The following OPA3 variants were observed in gnomAD, a reference collection of about 807,000 sequenced individuals.
OPA3 encodes the protein outer mitochondrial membrane lipid metabolism regulator OPA3, also known as optic atrophy 3 protein.
Under a neutral mutation model 4.0 loss-of-function variants are expected in OPA3, and 6 were observed. The ratio of observed to expected loss-of-function variants is 1.51; its 90% CI spans 0.83 to 2.99. OPA3 has a LOEUF of 2.99. OPA3 is among the 30% of genes most tolerant of loss of function. OPA3 has a pLI of 0.00. For missense variants in OPA3, 235 were observed against 256.2 expected (o/e 0.92, Z 0.56); for synonymous variants, 105 against 117.1 (o/e 0.90, Z 0.67).
rs1418134716 is a variant in OPA3, at chr19:45,572,815, AGATATATATCTC to A, written c.142+11796_142+11807del. On this transcript the variant is annotated intron_variant, in intron 1 of 1. Coordinates refer to ENST00000263275, the MANE Select transcript of OPA3 (RefSeq NM_025136.4). ...GATATATATATCATACTATATATAT[AGATATATATCTC>A]GATATATATCTATCTATATATATTT... is the stretch of plus-strand genomic sequence containing the variant. Among the ~76,000 whole-genome samples, 9 of 143,122 alleles carry A rather than the reference AGATATATATCTC, an allele frequency of 6.3e-5. No homozygotes were observed. In the East Asian group the frequency reaches 1.6e-3, roughly 25 times the overall value. 93.9% of individuals were successfully genotyped at this position (143,122 alleles called of 152,430 possible). A position where few individuals can be genotyped will look rare whatever the true frequency, so the allele number is the denominator to read the frequency against.
chr19:45,561,455 C>T (rs758642244), intron 1 of OPA3, among the ~76,000 whole-genome samples: 3 of 152,148 alleles, frequency 2.0e-5, no homozygotes, highest in Non-Finnish European at 4.4e-5. Context: ...GTCCACTACT[C>T]GATGGTGAAG....
At chr19:45,573,798 C>G (rs1969723884) in intron 1 of OPA3, among the ~76,000 whole-genome samples, 1 of 152,188 alleles carries the variant, frequency 6.6e-6, no homozygotes, top group Non-Finnish European at 1.5e-5. Context: ...ACGTAAACAG[C>G]AGGGCAAGGA....
intron 1 of OPA3, among the ~76,000 whole-genome samples, chr19:45,557,461 T>C (rs1969438674): frequency 6.6e-6 from 1 of 152,068 alleles, no homozygotes; most frequent in Non-Finnish European, 1.5e-5. Context: ...CTCACCAGAC[T>C]TGCGGGGGTC....
rs1969319296 is a variant in OPA3, at chr19:45,550,684, GA to G, written c.*2829del. On this transcript the variant is annotated 3_prime_UTR_variant, in exon 2 of 2. Coordinates refer to ENST00000263275, the MANE Select transcript of OPA3 (RefSeq NM_025136.4). Reference sequence around the variant, plus strand: ...GTGACTCTTGGGCCTCTCCCCATCAGAACCCTCCCAGTTTCCCTCCTGATTT... The same window carrying G: ...GTGACTCTTGGGCCTCTCCCCATCAGACCCTCCCAGTTTCCCTCCTGATTT... 1 of 985,808 alleles carries G rather than the reference GA, an allele frequency of 1.0e-6. No individual in the cohort carries two copies. The highest frequency in any genetic ancestry group is 6.2e-5 in the Admixed American group (1 of 16,248). 61.1% of individuals were successfully genotyped at this position (985,808 alleles called of 1,614,324 possible). A position where few individuals can be genotyped will look rare whatever the true frequency, so the allele number is the denominator to read the frequency against.
At chr19:45,584,398 A>C in intron 1 of OPA3, 2 of 985,172 alleles carry the variant, frequency 2.0e-6, no homozygotes, top group Non-Finnish European at 2.4e-6. Flanking sequence ...ATCGGCTGGC[A>C]TTTCCTACTC....
intron 1 of OPA3, among the ~76,000 whole-genome samples, chr19:45,535,766 T>TC (rs199709216): frequency 0.15 from 21,632 of 147,688 alleles, 1,736 homozygotes; most frequent in African/African-American, 0.21. Context: ...TCTTTTCTTT[T>TC]TTTTTTTTTT....
At chr19:45,558,246 C>T (rs543952406) in intron 1 of OPA3, among the ~76,000 whole-genome samples, 2 of 152,010 alleles carry the variant, frequency 1.3e-5, no homozygotes, top group African/African-American at 2.4e-5. Context: ...ACAGGAGAAT[C>T]GCTTGAACCC....
At chr19:45,533,879 G>A (rs755400243) in intron 1 of OPA3, among the ~76,000 whole-genome samples, 9 of 152,248 alleles carry the variant, frequency 5.9e-5, no homozygotes, top group Admixed American at 2.0e-4. Flanking sequence ...GCAGTGGGCA[G>A]GTTGTTGCCT....
At chr19:45,544,795 A>AAATAAAT (rs1969226810), downstream of OPA3, among the ~76,000 whole-genome samples, 8 of 140,748 alleles carry the variant, frequency 5.7e-5, no homozygotes, top group African/African-American at 1.6e-4. Flanking sequence ...ACTCCGTCTC[A>AAATAAAT]AAATAAATAA....
rs745544229 is a variant in OPA3 at position 45,553,575 on chromosome 19, CGCACCTCTT to C, written c.470_478del (p.Gln157_Val159del). 1.4e-5 allele frequency: 22 copies of C among 1,612,940 alleles called. No homozygotes were observed. Among genetic ancestry groups the C allele is most frequent in the Non-Finnish European group, 1.9e-5 (22 of 1,179,960 alleles). On this transcript the variant is annotated inframe_deletion, in exon 2 of 2. Transcript: ENST00000263275. Reference sequence around the variant, plus strand: ...CCGGCCGGGATTGCAGAGCTGGGCGCGCACCTCTTGCAGCTCTGTGCGCAGTTCCTCCAG... The same window carrying C: ...CCGGCCGGGATTGCAGAGCTGGGCGCGCAGCTCTGTGCGCAGTTCCTCCAG...
chr19:45,553,493 C>G lies in OPA3; in HGVS notation c.*21G>C. The G allele has an allele frequency of 6.2e-7, 1 of 1,612,266 alleles. No individual in the cohort carries two copies. The highest frequency in any genetic ancestry group is 8.5e-7 in the Non-Finnish European group (1 of 1,179,990). The stretch of plus-strand genomic sequence containing the variant: ...TAGGTACATAGGCCATGTCCAAATT[C>G]AGGTTCCATCCAGCAAGCTCCTATT... On this transcript the variant is annotated 3_prime_UTR_variant, in exon 2 of 2. Transcript: ENST00000263275.
chr19:45,572,330 G>A (rs1177856105), intron 1 of OPA3, among the ~76,000 whole-genome samples: 16 of 121,774 alleles, frequency 1.3e-4, no homozygotes, highest in Non-Finnish European at 1.8e-4. Context: ...GATATATATC[G>A]ATATATATCT....
chr19:45,554,402 TAATC>T (rs974979009), intron 1 of OPA3, among the ~76,000 whole-genome samples: 15 of 152,188 alleles, frequency 9.9e-5, no homozygotes, highest in Non-Finnish European at 2.9e-5. Flanking sequence ...ACACTTGTAA[TAATC>T]AATCATTTTT....
intron 1 of OPA3, among the ~76,000 whole-genome samples, chr19:45,538,645 C>T (rs560895138): frequency 1.6e-3 from 249 of 151,780 alleles, no homozygotes; most frequent in African/African-American, 5.3e-3. Flanking sequence ...ATTCCTTGAA[C>T]CTGGGAGGCG....
In OPA3 at chr19:45,551,786, G is replaced by A. The variant is rs1969336751; in HGVS notation, c.*1728C>T. The A allele has an allele frequency of 2.0e-6, 2 of 985,504 alleles. No individual in the cohort carries two copies. The highest frequency in any genetic ancestry group is 3.5e-5 in the African/African-American group (2 of 57,366). 61.0% of individuals were successfully genotyped at this position (985,504 alleles called of 1,614,324 possible). A position where few individuals can be genotyped will look rare whatever the true frequency, so the allele number is the denominator to read the frequency against. On this transcript the variant is annotated 3_prime_UTR_variant, in exon 2 of 2. Coordinates refer to ENST00000263275, the MANE Select transcript of OPA3 (RefSeq NM_025136.4). The stretch of plus-strand genomic sequence containing the variant: ...GGAGGGTACTGCTACATGAAGACAG[G>A]CTGTCGGGTCAGTCCAGAGCTCCGA...
rs577303364 is a variant in OPA3 at position 45,579,083 on chromosome 19, C to T, written c.142+5540G>A. On this transcript the variant is annotated intron_variant, in intron 1 of 1. Transcript: ENST00000263275. ...TCTTCCCCCAGATGGCAATGCTGCT[C>T]GTTCCCTCCCTCCTTGGCATATTTT... Among the ~76,000 whole-genome samples the T allele has an allele frequency of 2.0e-4, 31 of 152,122 alleles. No homozygotes were observed. In the South Asian group the frequency reaches 5.6e-3, roughly 27 times the overall value.
At chr19:45,573,802 G>A (rs1969723927) in intron 1 of OPA3, among the ~76,000 whole-genome samples, 1 of 152,188 alleles carries the variant, frequency 6.6e-6, no homozygotes, top group Non-Finnish European at 1.5e-5. Context: ...AAACAGCAGG[G>A]CAAGGATCTG....
In OPA3 at chr19:45,553,091, C is replaced by T. The variant is rs2122436009; in HGVS notation, c.*423G>A. ...TGCATTTCCTTACAGTGGTCTGTGC[C>T]GATTGACAAAAAGAAGAAGGTGTTC... On this transcript the variant is annotated 3_prime_UTR_variant, in exon 2 of 2. Coordinates refer to ENST00000263275, the MANE Select transcript of OPA3 (RefSeq NM_025136.4). 4.4e-6 allele frequency: 5 copies of T among 1,124,274 alleles called. No homozygotes were observed. The highest frequency in any genetic ancestry group is 1.6e-5 in the African/African-American group (1 of 60,976). 69.6% of individuals were successfully genotyped at this position (1,124,274 alleles called of 1,614,324 possible).
chr19:45,582,093 C>CAAGATCACCTTTTTAA (rs1969863862), intron 1 of OPA3, among the ~76,000 whole-genome samples: 1 of 151,828 alleles, frequency 6.6e-6, no homozygotes, highest in Non-Finnish European at 1.5e-5. Context: ...CACCGCGCCC[C>CAAGATCACCTTTTTAA]AGCCAGGAGT....
Sources: allele counts gnomAD v4.1 joint callset (sites outside exome capture counted in the v4.1 genomes callset), GRCh38; gene constraint gnomAD v4.1.1; transcripts MANE v1.5; gene names NCBI Gene and HGNC (gene_info 2026-07-23, HGNC 2026-07-21).